Variants in ZFP36 observed in about 807,000 individuals in gnomAD.
The protein encoded by ZFP36 is mRNA decay activator protein ZFP36.
A neutral mutation model predicts 19.8 loss-of-function variants in ZFP36; 13 were observed. The ratio of observed to expected loss-of-function variants is 0.66; its 90% CI spans 0.43 to 1.04. ZFP36 has a LOEUF of 1.04. Among genes scored for constraint, ZFP36 ranks in the 50% least tolerant of loss-of-function variants. The pLI, the probability that ZFP36 is intolerant of heterozygous loss-of-function variation, is 0.00. For synonymous variants in ZFP36, 191 were observed against 194.5 expected (o/e 0.98, Z 0.15); for missense variants, 354 against 441.6 (o/e 0.80, Z 1.78).
Position 39,408,087 on chromosome 19 carries a change from G to A in ZFP36, c.369G>A (p.Lys123=). ...GTGGGCGCTGCCGCTACGGGGCCAA[G>A]TGCCAGTTTGCCCATGGCCTGGGCG... The part of the protein sequence containing the change: ...SESGRCRYGA[K]CQFAHGLGEL... Residue 123 remains lysine (K), a synonymous_variant, in exon 2 of 2, where the codon AAG becomes AAA. Coordinates refer to ENST00000597629, the MANE Select transcript of ZFP36 (RefSeq NM_003407.5). The surrounding 1 kb of genome is among the most constrained non-coding windows in gnomAD (Gnocchi z 6.0). The A allele has an allele frequency of 6.2e-7, 1 of 1,613,988 alleles. No homozygotes were observed. The highest frequency in any genetic ancestry group is 8.5e-7 in the Non-Finnish European group (1 of 1,180,026).
At position 39,408,775 on chromosome 19, in the gene ZFP36, C is replaced by T. The variant is rs1600635031; in HGVS notation, c.*76C>T. 7.2e-7 allele frequency: 1 copy of T among 1,395,284 alleles called. No individual in the cohort carries two copies. The highest frequency in any genetic ancestry group is 1.4e-5 in the African/African-American group (1 of 69,528). The allele number at this position is 1,395,284 out of a possible 1,614,324, so 86.4% of individuals were successfully genotyped here. A position where few individuals can be genotyped will look rare whatever the true frequency, so the allele number is the denominator to read the frequency against. On this transcript the variant is annotated 3_prime_UTR_variant, in exon 2 of 2. Coordinates refer to ENST00000597629, the MANE Select transcript of ZFP36 (RefSeq NM_003407.5). This position sits in a 1 kb window ranked among gnomAD's most constrained non-coding sequence, Gnocchi z 6.0. ...TCTTGCACTGTGGTCTCTGCATGGA[C>T]CCCAGGGCTGTGGGGACTTGGGGGA...
At position 39,407,133 on chromosome 19, in the gene ZFP36, C is replaced by T. The variant is rs2078481762; in HGVS notation, c.24+205C>T. 5.3e-6 allele frequency: 3 copies of T among 568,490 alleles called. No individual in the cohort carries two copies. The highest frequency in any genetic ancestry group is 3.6e-5 in the Admixed American group (1 of 27,786). The allele number at this position is 568,490 out of a possible 1,614,324, so 35.2% of individuals were successfully genotyped here. A position where few individuals can be genotyped will look rare whatever the true frequency, so the allele number is the denominator to read the frequency against. ...AGGTGAAAATGGAACCCGCGACACCCGGCTCTTCGCTCAAACATGGGTGGG... is the reference window on the plus strand; with the variant it reads ...AGGTGAAAATGGAACCCGCGACACCTGGCTCTTCGCTCAAACATGGGTGGG... On this transcript the variant is annotated intron_variant, in intron 1 of 1. Transcript: ENST00000597629. The surrounding 1 kb of genome is among the most constrained non-coding windows in gnomAD (Gnocchi z 7.6).
At position 39,407,050 on chromosome 19, in the gene ZFP36, C is replaced by A. The variant is rs1320529955; in HGVS notation, c.24+122C>A. Reference sequence around the variant, plus strand: ...CCCTTCTCCAACTGGGGCTCCCTAGCGCCGCGCCCTCCAGCCTGGGGCCCC... The same window carrying A: ...CCCTTCTCCAACTGGGGCTCCCTAGAGCCGCGCCCTCCAGCCTGGGGCCCC... On this transcript the variant is annotated intron_variant, in intron 1 of 1. Transcript: ENST00000597629. The surrounding 1 kb of genome is among the most constrained non-coding windows in gnomAD (Gnocchi z 7.6). 4.7e-6 allele frequency: 6 copies of A among 1,283,846 alleles called. No homozygotes were observed. The South Asian group carries it at 8.4e-5, about 18-fold the overall frequency. 79.5% of individuals were successfully genotyped at this position (1,283,846 alleles called of 1,614,324 possible).
intron 1 of ZFP36, 33 bp downstream of exon 1, chr19:39,406,961 T>C: frequency 1.2e-6 from 2 of 1,608,398 alleles, no homozygotes; most frequent in Non-Finnish European, 1.7e-6. Flanking sequence ...CCCCGGTACC[T>C]GCATGCCTGA....
chr19:39,406,870 C>CT lies in ZFP36; in HGVS notation c.-34dup. The stretch of plus-strand genomic sequence containing the variant: ...TCAGCCTGACTTCAGCGCTCCCACT[C>CT]TCGGCCGACACCCCTCATGGCCAAC... On this transcript the variant is annotated 5_prime_UTR_variant, in exon 1 of 2. Transcript: ENST00000597629. 6.3e-7 allele frequency: 1 copy of CT among 1,598,460 alleles called. No individual in the cohort carries two copies.
Position 39,408,863 on chromosome 19 carries a change from G to A in ZFP36, c.*164G>A. Reference sequence around the variant, plus strand: ...CCCACTCCCCTGACCTCACGCTGGGGCAGGTCCCCAAGTGTGCAAGCTCAG... The same window carrying A: ...CCCACTCCCCTGACCTCACGCTGGGACAGGTCCCCAAGTGTGCAAGCTCAG... On this transcript the variant is annotated 3_prime_UTR_variant, in exon 2 of 2. Transcript: ENST00000597629. The surrounding 1 kb of genome is among the most constrained non-coding windows in gnomAD (Gnocchi z 6.0). 2 of 622,014 alleles carry A rather than the reference G, an allele frequency of 3.2e-6. No individual in the cohort carries two copies. Among genetic ancestry groups the A allele is most frequent in the African/African-American group, 1.9e-5 (1 of 53,614 alleles). The allele number at this position is 622,014 out of a possible 1,614,324, so 38.5% of individuals were successfully genotyped here.
chr19:39,408,636 A>G lies in ZFP36; in HGVS notation c.918A>G (p.Pro306=). Residue 306 remains proline (P), a synonymous_variant, in exon 2 of 2, where the codon CCA becomes CCG. Coordinates refer to ENST00000597629, the MANE Select transcript of ZFP36 (RefSeq NM_003407.5). This position sits in a 1 kb window ranked among gnomAD's most constrained non-coding sequence, Gnocchi z 6.0. The part of the protein sequence containing the change: ...SPVFEAGVFA[P]PQPVAAPRRL... Reference sequence around the variant, plus strand: ...TCTTCGAGGCGGGAGTTTTTGCACCACCCCAGCCCGTGGCAGCCCCCCGGC... The same window carrying G: ...TCTTCGAGGCGGGAGTTTTTGCACCGCCCCAGCCCGTGGCAGCCCCCCGGC... The G allele has an allele frequency of 6.3e-7, 1 of 1,589,540 alleles. No individual in the cohort carries two copies. Among genetic ancestry groups the G allele is most frequent in the East Asian group, 2.2e-5 (1 of 44,768 alleles).
rs1600635041 is a variant in ZFP36, at chr19:39,408,797, G to A, written c.*98G>A. On this transcript the variant is annotated 3_prime_UTR_variant, in exon 2 of 2. Coordinates refer to ENST00000597629, the MANE Select transcript of ZFP36 (RefSeq NM_003407.5). This position sits in a 1 kb window ranked among gnomAD's most constrained non-coding sequence, Gnocchi z 6.0. ...GGACCCCAGGGCTGTGGGGACTTGG[G>A]GGACAGTAATCAAGTAATCCCCTTT... 8.1e-7 allele frequency: 1 copy of A among 1,229,884 alleles called. No individual in the cohort carries two copies. Among genetic ancestry groups the A allele is most frequent in the Non-Finnish European group, 1.1e-6 (1 of 895,510 alleles). The allele number at this position is 1,229,884 out of a possible 1,614,324, so 76.2% of individuals were successfully genotyped here.
In ZFP36 at chr19:39,407,199, C is replaced by G. The variant is rs1478639441; in HGVS notation, c.24+271C>G. ...GGAAAGTCGGAGAACTTTTCTCAGA[C>G]CGAGGCTGCCTGGAGGCGGAAGTGG... On this transcript the variant is annotated intron_variant, in intron 1 of 1. Coordinates refer to ENST00000597629, the MANE Select transcript of ZFP36 (RefSeq NM_003407.5). This position sits in a 1 kb window ranked among gnomAD's most constrained non-coding sequence, Gnocchi z 7.6. 5.6e-6 allele frequency: 3 copies of G among 539,988 alleles called. No homozygotes were observed. The highest frequency in any genetic ancestry group is 9.8e-6 in the Non-Finnish European group (3 of 306,538). The allele number at this position is 539,988 out of a possible 1,614,324, so 33.4% of individuals were successfully genotyped here. A position where few individuals can be genotyped will look rare whatever the true frequency, so the allele number is the denominator to read the frequency against.
rs1380440620 is a variant in ZFP36, at chr19:39,407,707, G to C, written c.25-36G>C. 8.7e-6 allele frequency: 13 copies of C among 1,494,092 alleles called. No individual in the cohort carries two copies. Among genetic ancestry groups the C allele is most frequent in the Non-Finnish European group, 1.2e-5 (13 of 1,126,382 alleles). The allele number at this position is 1,494,092 out of a possible 1,614,324, so 92.6% of individuals were successfully genotyped here. A position where few individuals can be genotyped will look rare whatever the true frequency, so the allele number is the denominator to read the frequency against. On this transcript the variant is annotated intron_variant, in intron 1 of 1. Transcript: ENST00000597629. The surrounding 1 kb of genome is among the most constrained non-coding windows in gnomAD (Gnocchi z 7.6). ...TGCAGCTGGGGTGGGGCGTCGCCCT[G>C]CATTTTCAGGTGCCTTAACCGACCC...
Position 39,408,835 on chromosome 19 carries a change from T to A in ZFP36, c.*136T>A. 1.1e-6 allele frequency: 1 copy of A among 879,988 alleles called. No individual in the cohort carries two copies. The highest frequency in any genetic ancestry group is 1.7e-6 in the Non-Finnish European group (1 of 596,340). The allele number at this position is 879,988 out of a possible 1,614,324, so 54.5% of individuals were successfully genotyped here. On this transcript the variant is annotated 3_prime_UTR_variant, in exon 2 of 2. Coordinates refer to ENST00000597629, the MANE Select transcript of ZFP36 (RefSeq NM_003407.5). The surrounding 1 kb of genome is among the most constrained non-coding windows in gnomAD (Gnocchi z 6.0). ...AGTAATCCCCTTTTCCAGAATGCAT[T>A]AACCCACTCCCCTGACCTCACGCTG...
In ZFP36 at chr19:39,408,841, A is replaced by C; in HGVS notation, c.*142A>C. Reference sequence around the variant, plus strand: ...CCCCTTTTCCAGAATGCATTAACCCACTCCCCTGACCTCACGCTGGGGCAG... The same window carrying C: ...CCCCTTTTCCAGAATGCATTAACCCCCTCCCCTGACCTCACGCTGGGGCAG... On this transcript the variant is annotated 3_prime_UTR_variant, in exon 2 of 2. Coordinates refer to ENST00000597629, the MANE Select transcript of ZFP36 (RefSeq NM_003407.5). The surrounding 1 kb of genome is among the most constrained non-coding windows in gnomAD (Gnocchi z 6.0). The C allele has an allele frequency of 7.7e-6, 6 of 781,558 alleles. No individual in the cohort carries two copies. The highest frequency in any genetic ancestry group is 2.2e-5 in the South Asian group (1 of 44,778). 48.4% of individuals were successfully genotyped at this position (781,558 alleles called of 1,614,324 possible).
chr19:39,406,982 C>T (rs761310783), intron 1 of ZFP36, 54 bp downstream of exon 1: 1 of 1,598,062 alleles, frequency 6.3e-7, no homozygotes, highest in Admixed American at 1.7e-5. Context: ...GTCCGAGTCC[C>T]CACCTCTCTA....
rs2078492627 is a variant in ZFP36 at position 39,409,044 on chromosome 19, T to C, written c.*345T>C. The stretch of plus-strand genomic sequence containing the variant: ...TGTGCTGTGAATAATAGGCCTTCAC[T>C]GCCCCTCCAGTTTTTATAGACCTGA... On this transcript the variant is annotated 3_prime_UTR_variant, in exon 2 of 2. Transcript: ENST00000597629. 5.5e-6 allele frequency: 1 copy of C among 180,798 alleles called. No individual in the cohort carries two copies. The highest frequency in any genetic ancestry group is 1.2e-5 in the Non-Finnish European group (1 of 86,944). 11.2% of individuals were successfully genotyped at this position (180,798 alleles called of 1,614,324 possible).
In ZFP36 at chr19:39,407,056, GC is replaced by G; in HGVS notation, c.24+131del. On this transcript the variant is annotated intron_variant, in intron 1 of 1. Coordinates refer to ENST00000597629, the MANE Select transcript of ZFP36 (RefSeq NM_003407.5). The surrounding 1 kb of genome is among the most constrained non-coding windows in gnomAD (Gnocchi z 7.6). ...TCCAACTGGGGCTCCCTAGCGCCGC[GC>G]CCTCCAGCCTGGGGCCCCTGCCTCC... 1 of 1,233,464 alleles carries G rather than the reference GC, an allele frequency of 8.1e-7. No individual in the cohort carries two copies. 76.4% of individuals were successfully genotyped at this position (1,233,464 alleles called of 1,614,324 possible).
Position 39,408,603 on chromosome 19 carries a change from C to T in ZFP36, c.885C>T (p.Asp295=), listed in dbSNP as rs1414584093. The change falls in exon 2 of 2, where the codon GAC becomes GAT. Residue 295 remains aspartate, a synonymous_variant. Coordinates refer to ENST00000597629, the MANE Select transcript of ZFP36 (RefSeq NM_003407.5). The surrounding 1 kb of genome is among the most constrained non-coding windows in gnomAD (Gnocchi z 6.0). ...ASSGSSLGGS[D]SPVFEAGVFA... is the part of the protein sequence containing the mutation. ...GCGGCAGCAGCCTGGGGGGCTCTGACTCTCCCGTCTTCGAGGCGGGAGTTT... is the reference window on the plus strand; with the variant it reads ...GCGGCAGCAGCCTGGGGGGCTCTGATTCTCCCGTCTTCGAGGCGGGAGTTT... 9 of 1,612,618 alleles carry T rather than the reference C, an allele frequency of 5.6e-6. No individual in the cohort carries two copies. Among genetic ancestry groups the T allele is most frequent in the Non-Finnish European group, 7.6e-6 (9 of 1,179,460 alleles).
Position 39,407,697 on chromosome 19 carries a change from G to A in ZFP36, c.25-46G>A. ...TCTAGTTCCCTGCAGCTGGGGTGGG[G>A]CGTCGCCCTGCATTTTCAGGTGCCT... is the stretch of plus-strand genomic sequence containing the variant. On this transcript the variant is annotated intron_variant, in intron 1 of 1. Transcript: ENST00000597629. This position sits in a 1 kb window ranked among gnomAD's most constrained non-coding sequence, Gnocchi z 7.6. The A allele has an allele frequency of 6.8e-7, 1 of 1,478,884 alleles. No homozygotes were observed. The allele number at this position is 1,478,884 out of a possible 1,614,324, so 91.6% of individuals were successfully genotyped here.
chr19:39,407,333 T>G lies in ZFP36; in HGVS notation c.24+405T>G. 1 of 439,366 alleles carries G rather than the reference T, an allele frequency of 2.3e-6. No individual in the cohort carries two copies. The highest frequency in any genetic ancestry group is 4.0e-6 in the Non-Finnish European group (1 of 249,980). The allele number at this position is 439,366 out of a possible 1,614,324, so 27.2% of individuals were successfully genotyped here. On this transcript the variant is annotated intron_variant, in intron 1 of 1. Transcript: ENST00000597629. This position sits in a 1 kb window ranked among gnomAD's most constrained non-coding sequence, Gnocchi z 7.6. ...GGGGATCCGACTTCTGTCTCTCCAG[T>G]CCCTGACCGTAGAGACAGAGAACCC...
In ZFP36 at chr19:39,407,007, A is replaced by G; in HGVS notation, c.24+79A>G. ...CCACCTCTCTAGCGCCGCAAACTCC[A>G]GCCCGGGACGCTTGCCTCCCTTCTC... On this transcript the variant is annotated intron_variant, in intron 1 of 1. Coordinates refer to ENST00000597629, the MANE Select transcript of ZFP36 (RefSeq NM_003407.5). The surrounding 1 kb of genome is among the most constrained non-coding windows in gnomAD (Gnocchi z 7.6). The G allele has an allele frequency of 6.4e-7, 1 of 1,551,998 alleles. No homozygotes were observed. Among genetic ancestry groups the G allele is most frequent in the South Asian group, 1.2e-5 (1 of 86,008 alleles).
Sources: allele counts gnomAD v4.1 joint callset, GRCh38; gene constraint gnomAD v4.1.1; non-coding constraint Gnocchi (gnomAD v3.1); transcripts MANE v1.5; gene names NCBI Gene and HGNC (gene_info 2026-07-23, HGNC 2026-07-21).